Variants in EPHA5 observed in about 807,000 individuals in gnomAD.
The protein encoded by EPHA5 is ephrin type-A receptor 5.
EPHA5 carries 60 observed loss-of-function variants against 105.0 expected under a neutral mutation model. That is an observed-to-expected ratio of 0.57 (90% CI 0.46 to 0.71). The LOEUF (loss-of-function observed/expected upper bound fraction) is 0.71, where lower values mean the gene tolerates loss of function less well. Ranked by LOEUF, EPHA5 falls within the 30% of genes least tolerant of loss-of-function variation. EPHA5 has a pLI of 0.00. For missense variants in EPHA5, 1,218 were observed against 1,274.7 expected (o/e 0.96, Z 0.68); for synonymous variants, 513 against 449.1 (o/e 1.14, Z -1.80).
chr4:65,332,770 T>TAAACAAAGGTAGAAGG (rs1221581867), intron 15 of EPHA5, among the ~76,000 whole-genome samples: 1 of 151,826 alleles, frequency 6.6e-6, no homozygotes, highest in Non-Finnish European at 1.5e-5. Context: ...TACTCTTTGT[T>TAAACAAAGGTAGAAGG]TATGAAGGTA....
intron 11 of EPHA5, among the ~76,000 whole-genome samples, chr4:65,355,660 A>G (rs1429727412): frequency 6.6e-6 from 1 of 151,612 alleles, no homozygotes; most frequent in Non-Finnish European, 1.5e-5. Context: ...AATTTATACC[A>G]GCGATAATGC....
chr4:65,324,244 ATG>A (rs1402189048), intron 16 of EPHA5, 25 bp from the exon 17 acceptor site: 1 of 1,527,148 alleles, frequency 6.5e-7, no homozygotes, highest in East Asian at 2.3e-5. Context: ...CACACATTGG[ATG>A]TATTGATTCA....
At chr4:65,434,691 T>C (rs951750373) in intron 5 of EPHA5, among the ~76,000 whole-genome samples, 4 of 152,138 alleles carry the variant, frequency 2.6e-5, no homozygotes, top group Admixed American at 6.6e-5. Context: ...TTTACATAAA[T>C]TAATGCAACT....
intron 7 of EPHA5, among the ~76,000 whole-genome samples, chr4:65,408,313 TTTAG>T (rs1474721332): frequency 1.3e-5 from 2 of 152,136 alleles, no homozygotes; most frequent in Non-Finnish European, 2.9e-5. Flanking sequence ...GATATATACC[TTTAG>T]TTATGCATGT....
At chr4:65,536,189 G>A (rs995539572) in intron 3 of EPHA5, among the ~76,000 whole-genome samples, 19 of 151,674 alleles carry the variant, frequency 1.3e-4, no homozygotes, top group African/African-American at 4.6e-4. Context: ...TGGATCTATC[G>A]CTGCCCCACA....
At position 65,495,399 on chromosome 4, in the gene EPHA5, A is replaced by T. The variant is rs768735377; in HGVS notation, c.1055T>A (p.Met352Lys). 6.2e-7 allele frequency: 1 copy of T among 1,613,142 alleles called. No individual in the cohort carries two copies. The highest frequency in any genetic ancestry group is 8.5e-7 in the Non-Finnish European group (1 of 1,179,598). Residue 352 changes from methionine to lysine, a missense_variant, in exon 4 of 17, where the codon ATG becomes AAG. Around this residue, in one of 3 missense-constraint regions of EPHA5, gnomAD observed 971 missense variants for 1,013.5 expected, o/e 0.96. Coordinates refer to ENST00000613740, the MANE Select transcript of EPHA5 (RefSeq NM_001281766.3). ...YFRRESDPPT[M>K]ACTRPPSAPR... is the part of the protein sequence containing the mutation. The stretch of plus-strand genomic sequence containing the variant: ...GTGGGTTTCCTTACTTGTGCATGCC[A>T]TTGTGGGTGGATCAGACTCTCTCCT...
At chr4:65,406,691 C>A (rs1448045666) in intron 7 of EPHA5, among the ~76,000 whole-genome samples, 2 of 152,084 alleles carry the variant, frequency 1.3e-5, no homozygotes, top group Non-Finnish European at 2.9e-5. Context: ...ATATCTCCAA[C>A]CCTTATTTCT....
chr4:65,646,260 A>T (rs1199389424), intron 1 of EPHA5, among the ~76,000 whole-genome samples: 1 of 152,148 alleles, frequency 6.6e-6, no homozygotes, highest in African/African-American at 2.4e-5. Flanking sequence ...GAATGCACAG[A>T]ATTCTCTTAT....
chr4:65,550,735 C>T (rs1421885518), intron 3 of EPHA5, among the ~76,000 whole-genome samples: 1 of 152,066 alleles, frequency 6.6e-6, no homozygotes, highest in Non-Finnish European at 1.5e-5. Flanking sequence ...AATCGAGGGG[C>T]TGAGGCAGGA....
At chr4:65,575,300 G>T (rs537164074) in intron 3 of EPHA5, among the ~76,000 whole-genome samples, 1 of 152,242 alleles carries the variant, frequency 6.6e-6, no homozygotes, top group South Asian at 2.1e-4. Flanking sequence ...CCCACAAGCT[G>T]AGTGGTTCCA....
intron 12 of EPHA5, 146 bp downstream of exon 12, chr4:65,352,896 T>A (rs1722953565): frequency 4.9e-6 from 2 of 406,712 alleles, no homozygotes; most frequent in East Asian, 9.3e-5. Flanking sequence ...GTGTAATTAT[T>A]GTGGCTCCAT....
intron 3 of EPHA5, among the ~76,000 whole-genome samples, chr4:65,546,509 C>T (rs1737386330): frequency 6.6e-6 from 1 of 151,802 alleles, no homozygotes; most frequent in African/African-American, 2.4e-5. Context: ...TCTAATGGTT[C>T]TTGTTTTTTT....
chr4:65,616,811 T>G (rs1405136148), intron 2 of EPHA5, among the ~76,000 whole-genome samples: 1 of 152,082 alleles, frequency 6.6e-6, no homozygotes, highest in Non-Finnish European at 1.5e-5. Flanking sequence ...ATTGCTTAAA[T>G]TATTTACTAT....
chr4:65,514,183 C>A (rs1733889990), intron 3 of EPHA5, among the ~76,000 whole-genome samples: 1 of 152,104 alleles, frequency 6.6e-6, no homozygotes, highest in African/African-American at 2.4e-5. Flanking sequence ...CCAGACCATG[C>A]TCCTGACAGT....
At chr4:65,390,927 T>C (rs941226493) in intron 8 of EPHA5, among the ~76,000 whole-genome samples, 1 of 152,124 alleles carries the variant, frequency 6.6e-6, no homozygotes, top group Non-Finnish European at 1.5e-5. Context: ...CATACTGCTA[T>C]AAAGAACTGC....
intron 3 of EPHA5, among the ~76,000 whole-genome samples, chr4:65,537,925 T>A (rs1246235961): frequency 1.3e-5 from 2 of 151,790 alleles, no homozygotes; most frequent in East Asian, 3.9e-4. Flanking sequence ...ATCAAGAGTA[T>A]CACTTAATAA....
At chr4:65,424,972 T>C (rs567529930) in intron 5 of EPHA5, among the ~76,000 whole-genome samples, 34 of 152,132 alleles carry the variant, frequency 2.2e-4, no homozygotes, top group Non-Finnish European at 3.7e-4. Flanking sequence ...CATTCACGCA[T>C]CCCTATAGCC....
At chr4:65,598,881 A>G (rs922821813) in intron 3 of EPHA5, among the ~76,000 whole-genome samples, 15 of 152,142 alleles carry the variant, frequency 9.9e-5, no homozygotes, top group Non-Finnish European at 1.8e-4. Context: ...CATGAAAGAT[A>G]ACTGGAGCAA....
chr4:65,460,415 C>T (rs965505563), intron 5 of EPHA5, among the ~76,000 whole-genome samples: 1 of 150,598 alleles, frequency 6.6e-6, no homozygotes, highest in Non-Finnish European at 1.5e-5. Context: ...AGATTTTTAG[C>T]TTTGAATGAA....
Sources: gnomAD v4.1 joint callset for allele counts (sites outside exome capture counted in the v4.1 genomes callset) on GRCh38, gnomAD v4.1.1 for gene constraint, gnomAD v4.1.1 regional missense constraint, MANE v1.5 for transcripts, NCBI Gene and HGNC (gene_info 2026-07-23, HGNC 2026-07-21) for gene names.